The following SFSWAP variants were observed in gnomAD, a reference collection of about 807,000 sequenced individuals.
SFSWAP encodes the protein splicing factor, suppressor of white-apricot homolog.
SFSWAP carries 17 observed loss-of-function variants against 100.7 expected under a neutral mutation model. That is an observed-to-expected ratio of 0.17 (90% CI 0.12 to 0.25). SFSWAP has a LOEUF of 0.25. Among genes scored for constraint, SFSWAP ranks in the 10% least tolerant of loss-of-function variants. The pLI, the probability that SFSWAP is intolerant of heterozygous loss-of-function variation, is 1.00. For synonymous variants in SFSWAP, 504 were observed against 510.1 expected (o/e 0.99, Z 0.16); for missense variants, 1,005 against 1,262.6 (o/e 0.80, Z 3.09).
intron 5 of SFSWAP, among the ~76,000 whole-genome samples, chr12:131,726,161 T>C (rs781274533): frequency 6.8e-6 from 1 of 146,318 alleles, no homozygotes; most frequent in Non-Finnish European, 1.5e-5. Context: ...TCTATTCATA[T>C]ATATGTATAT....
At chr12:131,740,801 G>A (rs1368270041) in intron 7 of SFSWAP, among the ~76,000 whole-genome samples, 1 of 152,060 alleles carries the variant, frequency 6.6e-6, no homozygotes, top group Non-Finnish European at 1.5e-5. Context: ...ATATAAAGGT[G>A]CATGTCTTCA....
intron 14 of SFSWAP, chr12:131,784,814 A>G (rs1006132222): frequency 5.8e-5 from 18 of 311,902 alleles, no homozygotes; most frequent in African/African-American, 3.2e-4. Flanking sequence ...TTGAAAATCT[A>G]CTGGTAACAG....
intron 8 of SFSWAP, 131 bp downstream of exon 8, chr12:131,753,494 T>G: frequency 1.7e-6 from 2 of 1,196,364 alleles, no homozygotes; most frequent in Non-Finnish European, 2.3e-6. Flanking sequence ...GAGTAGTTAT[T>G]ATTCCAAATC....
intron 6 of SFSWAP, among the ~76,000 whole-genome samples, chr12:131,727,303 C>CCATTTATTACAATA (rs1879073859): frequency 2.0e-5 from 3 of 152,194 alleles, no homozygotes; most frequent in African/African-American, 7.2e-5. Flanking sequence ...TACAATTTTA[C>CCATTTATTACAATA]TCCTTTGAGA....
In SFSWAP at chr12:131,719,543, T is replaced by A. The variant is rs767000437; in HGVS notation, c.606+4T>A. ...CGTCCCGTCTGACGTGGAGTTGGTA[T>A]GTGTCCTGCATGAGCACTAGTTGTC... On this transcript the variant is annotated splice_donor_region_variant and intron_variant, in intron 4 of 17. Transcript: ENST00000261674. 45 of 1,607,052 alleles carry A rather than the reference T, an allele frequency of 2.8e-5. 1 individual carries two copies. In the South Asian group the frequency reaches 4.9e-4, roughly 18 times the overall value.
At chr12:131,771,951 G>A (rs1423902752) in intron 13 of SFSWAP, among the ~76,000 whole-genome samples, 1 of 152,146 alleles carries the variant, frequency 6.6e-6, no homozygotes, top group African/African-American at 2.4e-5. Context: ...CTGAGCCACC[G>A]CTCCCGGCCA....
intron 8 of SFSWAP, among the ~76,000 whole-genome samples, chr12:131,753,974 C>T (rs117668755): frequency 0.017 from 2,533 of 152,230 alleles, 37 homozygotes; most frequent in Non-Finnish European, 0.027. Context: ...TCTGTGAAAA[C>T]GACTCTTTCT....
Position 131,794,672 on chromosome 12 carries a change from G to A in SFSWAP, c.2535-2506G>A, listed in dbSNP as rs559225741. 2.6e-4 allele frequency among the ~76,000 whole-genome samples: 39 copies of A among 152,336 alleles called. No homozygotes were observed. The highest frequency in any genetic ancestry group is 9.1e-4 in the African/African-American group (38 of 41,592). ...CTGAGGGTGGAGAAGGGGTATAGAC[G>A]GACTTGAAGTGGCATTGAGGAGCCT... is the stretch of plus-strand genomic sequence containing the variant. On this transcript the variant is annotated intron_variant, in intron 15 of 17. Coordinates refer to ENST00000261674, the MANE Select transcript of SFSWAP (RefSeq NM_004592.4). The surrounding 1 kb of genome is among the most constrained non-coding windows in gnomAD (Gnocchi z 4.8).
chr12:131,797,277 GCCCGCGGCC>G lies in SFSWAP; in HGVS notation c.2645_2653del (p.Pro882_Ala884del), dbSNP rs761368321. The G allele has an allele frequency of 9.7e-5, 157 of 1,612,204 alleles. No individual in the cohort carries two copies. Among genetic ancestry groups the G allele is most frequent in the African/African-American group, 2.0e-4 (15 of 75,024 alleles). ...CACCCAGCAAGCAGGCAGCGCCCCG[GCCCGCGGCC>G]CCCGCGGCCCACTCGGCGCACTCAG... On this transcript the variant is annotated inframe_deletion, in exon 16 of 18. Transcript: ENST00000261674.
chr12:131,766,092 T>C, intron 12 of SFSWAP, 26 bp from the exon 13 acceptor site: 1 of 1,579,058 alleles, frequency 6.3e-7, no homozygotes, highest in Non-Finnish European at 8.6e-7. Flanking sequence ...TCTAAACTTC[T>C]CTTTTTTCTT....
At chr12:131,731,021 G>C (rs888434703) in intron 7 of SFSWAP, among the ~76,000 whole-genome samples, 1 of 152,096 alleles carries the variant, frequency 6.6e-6, no homozygotes, top group Admixed American at 6.6e-5. Context: ...GAGCCTCCTC[G>C]CTGAGCACAG....
At position 131,764,608 on chromosome 12, in the gene SFSWAP, C is replaced by A; in HGVS notation, c.1873C>A (p.Pro625Thr). ...ESSSSAANTN[P>T]AVAPPCVVVE... ...TTCTAGTAGTGCTGCAAACACTAAC[C>A]CAGCAGTTGCCCCACCCTGTGTAGT... Residue 625 changes from proline to threonine, a missense_variant, in exon 12 of 18, where the codon CCA (proline) becomes ACA (threonine). Pro to Thr is a conservative substitution (Grantham distance 38). Coordinates refer to ENST00000261674, the MANE Select transcript of SFSWAP (RefSeq NM_004592.4). 1 of 1,614,188 alleles carries A rather than the reference C, an allele frequency of 6.2e-7. No individual in the cohort carries two copies. Among genetic ancestry groups the A allele is most frequent in the Non-Finnish European group, 8.5e-7 (1 of 1,180,022 alleles).
At chr12:131,761,912 A>G (rs1395707804) in intron 11 of SFSWAP, among the ~76,000 whole-genome samples, 1 of 152,112 alleles carries the variant, frequency 6.6e-6, no homozygotes, top group Non-Finnish European at 1.5e-5. Flanking sequence ...TGTGTGCCAT[A>G]GGCCACTCTT....
At chr12:131,795,421 C>G (rs1010099703) in intron 15 of SFSWAP, among the ~76,000 whole-genome samples, 1 of 152,198 alleles carries the variant, frequency 6.6e-6, no homozygotes, top group Non-Finnish European at 1.5e-5. Flanking sequence ...CGGGGCTGTC[C>G]CTACCAGGGC....
chr12:131,726,000 G>C lies in SFSWAP; in HGVS notation c.832+370G>C, dbSNP rs1566007972. Among the ~76,000 whole-genome samples the C allele has an allele frequency of 6.6e-6, 1 of 152,064 alleles. No individual in the cohort carries two copies. Among genetic ancestry groups the C allele is most frequent in the Non-Finnish European group, 1.5e-5 (1 of 68,008 alleles). On this transcript the variant is annotated intron_variant, in intron 5 of 17. Transcript: ENST00000261674. This position sits in a 1 kb window ranked among gnomAD's most constrained non-coding sequence, Gnocchi z 4.3. ...TTCAAGTACCACAGTGTTCAGGGCT[G>C]TATAGCTCAATTATACATGGCCACA...
rs1292627366 is a variant in SFSWAP at position 131,725,716 on chromosome 12, G to A, written c.832+86G>A. ...TGGGTGGTTCTGGGAAAAGTGTGAAGATACACATTCTTACAGATGCATGGT... is the reference window on the plus strand; with the variant it reads ...TGGGTGGTTCTGGGAAAAGTGTGAAAATACACATTCTTACAGATGCATGGT... On this transcript the variant is annotated intron_variant, in intron 5 of 17. Transcript: ENST00000261674. This position sits in a 1 kb window ranked among gnomAD's most constrained non-coding sequence, Gnocchi z 4.3. 1.0e-6 allele frequency: 1 copy of A among 968,914 alleles called. No homozygotes were observed. Among genetic ancestry groups the A allele is most frequent in the African/African-American group, 1.6e-5 (1 of 61,620 alleles). 60.0% of individuals were successfully genotyped at this position (968,914 alleles called of 1,614,324 possible).
Position 131,734,851 on chromosome 12 carries a change from C to A in SFSWAP, c.1081+6423C>A, listed in dbSNP as rs932455069. ...CTGAGGAGCAGGCATTGGAACATGA[C>A]GGAGCTGCTGCTGCTGCAGCCGCAG... On this transcript the variant is annotated intron_variant, in intron 7 of 17. Transcript: ENST00000261674. The surrounding 1 kb of genome is among the most constrained non-coding windows in gnomAD (Gnocchi z 4.9). 2.2e-5 allele frequency among the ~76,000 whole-genome samples: 3 copies of A among 138,220 alleles called. No individual in the cohort carries two copies. Among genetic ancestry groups the A allele is most frequent in the African/African-American group, 8.1e-5 (3 of 37,120 alleles). The allele number at this position is 138,220 out of a possible 152,430, so 90.7% of individuals were successfully genotyped here. A position where few individuals can be genotyped will look rare whatever the true frequency, so the allele number is the denominator to read the frequency against.
intron 12 of SFSWAP, 38 bp from the exon 13 acceptor site, chr12:131,766,080 G>C (rs758558728): frequency 1.3e-6 from 2 of 1,568,918 alleles, no homozygotes; most frequent in Non-Finnish European, 1.7e-6. Flanking sequence ...AATACTGTTT[G>C]CTCTAAACTT....
chr12:131,743,746 G>A lies in SFSWAP; in HGVS notation c.1082-9377G>A, dbSNP rs186746603. Among the ~76,000 whole-genome samples, 216 of 152,338 alleles carry A rather than the reference G, an allele frequency of 1.4e-3. 1 individual carries two copies. Among genetic ancestry groups the A allele is most frequent in the Non-Finnish European group, 2.0e-3 (136 of 68,028 alleles). The stretch of plus-strand genomic sequence containing the variant: ...AGTAGGGACTCTCTGTGGGGGCTCC[G>A]ACCTCACATTTCCCCTCCACACTGC... On this transcript the variant is annotated intron_variant, in intron 7 of 17. Coordinates refer to ENST00000261674, the MANE Select transcript of SFSWAP (RefSeq NM_004592.4).
Sources: allele counts gnomAD v4.1 joint callset (sites outside exome capture counted in the v4.1 genomes callset), GRCh38; gene constraint gnomAD v4.1.1; non-coding constraint Gnocchi (gnomAD v3.1); transcripts MANE v1.5; gene names NCBI Gene and HGNC (gene_info 2026-07-23, HGNC 2026-07-21).